The following ECPAS variants were observed in gnomAD, a reference collection of about 807,000 sequenced individuals.
The protein encoded by ECPAS is proteasome adapter and scaffold protein ECM29.
Under a neutral mutation model 255.1 loss-of-function variants are expected in ECPAS, and 70 were observed. The ratio of observed to expected loss-of-function variants is 0.27; its 90% CI spans 0.23 to 0.33. The LOEUF (loss-of-function observed/expected upper bound fraction) is 0.33, where lower values mean the gene tolerates loss of function less well. ECPAS is among the 10% of genes least tolerant of loss of function. ECPAS has a pLI of 1.00. For synonymous variants in ECPAS, 784 were observed against 775.0 expected, an observed-to-expected ratio of 1.01 and a Z score of -0.19; for missense variants, 1,817 against 2,206.4, an observed-to-expected ratio of 0.82 and a Z score of 3.54.
rs868245593 is a variant in ECPAS at position 111,377,940 on chromosome 9, A to T, written c.3954+640T>A. 3.4e-4 allele frequency among the ~76,000 whole-genome samples: 51 copies of T among 152,176 alleles called. No individual in the cohort carries two copies. The Middle Eastern group carries it at 0.01, about 30-fold the overall frequency. ...GGCGGGTGGATCACGAGGTCAGGAG[A>T]TCAAGACCATCCTGGCTAACATGGT... On this transcript the variant is annotated intron_variant, in intron 36 of 49. Transcript: ENST00000684092.
chr9:111,464,259 T>A (rs1335744568), intron 2 of ECPAS, among the ~76,000 whole-genome samples: 2 of 132,606 alleles, frequency 1.5e-5, no homozygotes, highest in Admixed American at 7.7e-5. Context: ...ATGACAAAAC[T>A]CCATCTCTAC....
chr9:111,429,613 C>A (rs2098226910), intron 9 of ECPAS, among the ~76,000 whole-genome samples: 2 of 152,184 alleles, frequency 1.3e-5, no homozygotes, highest in Admixed American at 6.5e-5. Flanking sequence ...ATTCATAGGT[C>A]CTGATTCCCA....
At chr9:111,405,595 G>T (rs2131685709) in intron 24 of ECPAS, among the ~76,000 whole-genome samples, 1 of 149,992 alleles carries the variant, frequency 6.7e-6, no homozygotes, top group Middle Eastern at 3.4e-3. Context: ...ACATCCAACA[G>T]AGTGAAGAGA....
chr9:111,377,934 CA>C (rs1369924114), intron 36 of ECPAS, among the ~76,000 whole-genome samples: 1 of 152,154 alleles, frequency 6.6e-6, no homozygotes, highest in African/African-American at 2.4e-5. Flanking sequence ...ATCACGAGGT[CA>C]GGAGATCAAG....
chr9:111,441,330 C>A (rs1012661308), intron 5 of ECPAS, among the ~76,000 whole-genome samples: 3 of 151,782 alleles, frequency 2.0e-5, no homozygotes, highest in Admixed American at 2.0e-4. Context: ...ATGGTAAAAC[C>A]CCATCTCTTC....
At chr9:111,376,601 A>T in intron 36 of ECPAS, 60 bp from the exon 37 acceptor site, 1 of 1,263,396 alleles carries the variant, frequency 7.9e-7, no homozygotes, top group South Asian at 1.3e-5. Context: ...AATCCGCACA[A>T]ACACCCATAA....
At chr9:111,392,156 C>T (rs1396999555) in intron 28 of ECPAS, among the ~76,000 whole-genome samples, 1 of 152,180 alleles carries the variant, frequency 6.6e-6, no homozygotes, top group Non-Finnish European at 1.5e-5. Flanking sequence ...GGGAGAGTCA[C>T]CTGAACCAGG....
chr9:111,410,284 A>G lies in ECPAS; in HGVS notation c.2378-71T>C, dbSNP rs1165324300. ...TACGACCCAAAGCAACCAGTGATGT[A>G]CTCAAGGTTTTTTTTAAGACGGCAA... is the stretch of plus-strand genomic sequence containing the variant. On this transcript the variant is annotated intron_variant, in intron 22 of 49. Transcript: ENST00000684092. The G allele has an allele frequency of 3.0e-6, 4 of 1,334,634 alleles. No individual in the cohort carries two copies. The Admixed American group carries it at 1.1e-4, about 37-fold the overall frequency. 82.7% of individuals were successfully genotyped at this position (1,334,634 alleles called of 1,614,324 possible). A position where few individuals can be genotyped will look rare whatever the true frequency, so the allele number is the denominator to read the frequency against.
intron 49 of ECPAS, among the ~76,000 whole-genome samples, chr9:111,362,971 C>T (rs537440267): frequency 1.3e-5 from 2 of 152,048 alleles, no homozygotes; most frequent in Non-Finnish European, 2.9e-5. Flanking sequence ...AGCAAATACA[C>T]AAGGTTGCAG....
chr9:111,405,099 A>G (rs2098182044), intron 24 of ECPAS, among the ~76,000 whole-genome samples: 1 of 149,770 alleles, frequency 6.7e-6, no homozygotes, highest in African/African-American at 2.5e-5. Context: ...ACCCTGAATA[A>G]TGAGCAAGAA....
intron 35 of ECPAS, among the ~76,000 whole-genome samples, chr9:111,381,223 T>C (rs2098140174): frequency 6.6e-6 from 1 of 152,160 alleles, no homozygotes; most frequent in Non-Finnish European, 1.5e-5. Context: ...ACAGAGGGCA[T>C]TGTGGGGTTA....
chr9:111,417,049 G>C (rs1158940535), intron 17 of ECPAS, among the ~76,000 whole-genome samples: 1 of 152,010 alleles, frequency 6.6e-6, no homozygotes, highest in Admixed American at 6.6e-5. Context: ...GAACCAGCGT[G>C]GGCAATATAG....
At chr9:111,438,339 C>T (rs1193463659) in intron 6 of ECPAS, among the ~76,000 whole-genome samples, 1 of 151,996 alleles carries the variant, frequency 6.6e-6, no homozygotes, top group Non-Finnish European at 1.5e-5. Context: ...CATAAAACAC[C>T]CTAAGGCTGG....
In ECPAS at chr9:111,405,265, T is replaced by A. The variant is rs758617004; in HGVS notation, c.2652+3306A>T. Among the ~76,000 whole-genome samples the A allele has an allele frequency of 4.0e-5, 6 of 149,642 alleles. 1 individual carries two copies. Among genetic ancestry groups the A allele is most frequent in the Admixed American group, 6.6e-5 (1 of 15,170 alleles). ...AGAACCCAAAGATAAATCTACTGAT[T>A]TACAGTCAACTCATTTTCAACAAAG... is the stretch of plus-strand genomic sequence containing the variant. On this transcript the variant is annotated intron_variant, in intron 24 of 49. Coordinates refer to ENST00000684092, the MANE Select transcript of ECPAS (RefSeq NM_001364929.1).
intron 3 of ECPAS, among the ~76,000 whole-genome samples, chr9:111,445,178 A>G (rs982349274): frequency 6.7e-6 from 1 of 149,936 alleles, no homozygotes; most frequent in South Asian, 2.1e-4. Flanking sequence ...GTATTCTAGT[A>G]AAGATGGAGT....
chr9:111,370,881 C>G (rs565285834), intron 43 of ECPAS, 116 bp from the exon 44 acceptor site: 22 of 893,188 alleles, frequency 2.5e-5, no homozygotes, highest in African/African-American at 2.3e-4. Flanking sequence ...CAAAAATTAA[C>G]AACAGTCACC....
chr9:111,382,008 A>AACACACACACACACACAC (rs72204951), intron 35 of ECPAS, among the ~76,000 whole-genome samples: 4 of 147,016 alleles, frequency 2.7e-5, no homozygotes, highest in African/African-American at 1.0e-4. Context: ...AATTTTGTAA[A>AACACACACACACACACAC]ACACACACAC....
At chr9:111,386,602 A>G in intron 31 of ECPAS, 146 bp from the exon 32 acceptor site, 1 of 610,814 alleles carries the variant, frequency 1.6e-6, no homozygotes, top group Non-Finnish European at 2.9e-6. Context: ...TAGGCCACTC[A>G]GCCCACAAAT....
intron 8 of ECPAS, among the ~76,000 whole-genome samples, chr9:111,431,240 C>G (rs1396234162): frequency 6.6e-6 from 1 of 152,102 alleles, no homozygotes; most frequent in African/African-American, 2.4e-5. Flanking sequence ...TTGGGCCCCA[C>G]AATAAGGTGA....
Sources: allele counts gnomAD v4.1 joint callset (sites outside exome capture counted in the v4.1 genomes callset), GRCh38; gene constraint gnomAD v4.1.1; transcripts MANE v1.5; gene names NCBI Gene and HGNC (gene_info 2026-07-23, HGNC 2026-07-21).